The following DNAJC24 variants were observed in gnomAD, a reference collection of about 807,000 sequenced individuals.
DNAJC24 encodes the protein dnaJ homolog subfamily C member 24.
In DNAJC24, 17 loss-of-function variants were observed where a neutral mutation model predicts 18.0. The ratio of observed to expected loss-of-function variants is 0.94; its 90% CI spans 0.65 to 1.42. The LOEUF (loss-of-function observed/expected upper bound fraction) is 1.42. DNAJC24 is among the 40% of genes most tolerant of loss of function. The probability of loss-of-function intolerance (pLI) is 0.00; values close to 1 mark genes in which losing one functional copy is unlikely to be tolerated. For missense variants in DNAJC24, 158 were observed against 175.6 expected (o/e 0.90, Z 0.57); for synonymous variants, 55 against 57.7 (o/e 0.95, Z 0.21).
intron 2 of DNAJC24, among the ~76,000 whole-genome samples, chr11:31,389,802 A>T (rs976554744): frequency 2.0e-5 from 3 of 152,232 alleles, no homozygotes; most frequent in Admixed American, 6.5e-5. Flanking sequence ...TCTAAATAAT[A>T]TCAAGCATAT....
intron 2 of DNAJC24, chr11:31,384,446 A>G (rs1196521372): frequency 6.6e-6 from 1 of 152,242 alleles, no homozygotes; most frequent in African/African-American, 2.4e-5. Context: ...TGGACTCAAT[A>G]TAATAGATTC....
intron 2 of DNAJC24, among the ~76,000 whole-genome samples, chr11:31,372,637 T>C (rs1422212623): frequency 1.5e-5 from 2 of 135,822 alleles, no homozygotes; most frequent in African/African-American, 4.9e-5. Context: ...CTGCACATAA[T>C]ATGTAGTATC....
rs528806768 is a variant in DNAJC24, at chr11:31,380,017, G to A, written c.111+9158G>A. 3.0e-4 allele frequency among the ~76,000 whole-genome samples: 46 copies of A among 151,952 alleles called. No homozygotes were observed. The South Asian group carries it at 9.2e-3, about 30-fold the overall frequency. On this transcript the variant is annotated intron_variant, in intron 2 of 4. Coordinates refer to ENST00000465995, the MANE Select transcript of DNAJC24 (RefSeq NM_181706.5). Reference sequence around the variant, plus strand: ...CCTCCTGACCTCAGGTGATCCACCCGCCTCAGCCTCCCAAAATGCTGGGAT... The same window carrying A: ...CCTCCTGACCTCAGGTGATCCACCCACCTCAGCCTCCCAAAATGCTGGGAT...
chr11:31,425,843 C>A (rs891245258), intron 3 of DNAJC24, among the ~76,000 whole-genome samples: 3 of 152,098 alleles, frequency 2.0e-5, no homozygotes. Context: ...ACCAATACAC[C>A]TAATGTTAGA....
chr11:31,414,861 A>C lies in DNAJC24; in HGVS notation c.162A>C (p.Glu54Asp). ...ATGTACCAGCAGGAACAGTGGAGGAATGTGTACAGAAGTTCATCGAAATTG... is the reference window on the plus strand; with the variant it reads ...ATGTACCAGCAGGAACAGTGGAGGACTGTGTACAGAAGTTCATCGAAATTG... ...STDVPAGTVE[E>D]CVQKFIEIDQ... Residue 54 changes from glutamate (E) to aspartate (D), a missense_variant, in exon 3 of 5, where the codon GAA becomes GAC. Coordinates refer to ENST00000465995, the MANE Select transcript of DNAJC24 (RefSeq NM_181706.5). 6.2e-7 allele frequency: 1 copy of C among 1,614,032 alleles called. No individual in the cohort carries two copies. The highest frequency in any genetic ancestry group is 8.5e-7 in the Non-Finnish European group (1 of 1,179,906).
At chr11:31,384,850 A>G (rs1952412560) in intron 2 of DNAJC24, 1 of 152,188 alleles carries the variant, frequency 6.6e-6, no homozygotes. Context: ...CCAGAAGAGA[A>G]TGTTAGAATC....
intron 2 of DNAJC24, among the ~76,000 whole-genome samples, chr11:31,399,376 T>C (rs1159425609): frequency 6.6e-6 from 1 of 152,196 alleles, no homozygotes; most frequent in African/African-American, 2.4e-5. Flanking sequence ...TTCTTTATTT[T>C]TGTGAATTCT....
At chr11:31,394,858 A>G (rs593274) in intron 2 of DNAJC24, among the ~76,000 whole-genome samples, 7 of 152,336 alleles carry the variant, frequency 4.6e-5, no homozygotes, top group African/African-American at 1.7e-4. Context: ...AAAATCATGC[A>G]TTAAAATACA....
chr11:31,412,373 T>C (rs781046080), intron 2 of DNAJC24, among the ~76,000 whole-genome samples: 4 of 152,214 alleles, frequency 2.6e-5, no homozygotes, highest in Non-Finnish European at 5.9e-5. Context: ...GCTTGTGACA[T>C]ACTGAATTAA....
chr11:31,393,646 CAG>C (rs1305137246), intron 2 of DNAJC24, among the ~76,000 whole-genome samples: 1 of 152,074 alleles, frequency 6.6e-6, no homozygotes, highest in African/African-American at 2.4e-5. Flanking sequence ...ATCTCGGAAG[CAG>C]AGATACTGGG....
intron 2 of DNAJC24, among the ~76,000 whole-genome samples, chr11:31,408,706 T>C (rs925206547): frequency 2.6e-5 from 4 of 152,190 alleles, no homozygotes; most frequent in African/African-American, 9.6e-5. Flanking sequence ...AGAAAGTTTC[T>C]TAATCTATTT....
At chr11:31,394,765 C>T (rs1167707409) in intron 2 of DNAJC24, among the ~76,000 whole-genome samples, 1 of 151,430 alleles carries the variant, frequency 6.6e-6, no homozygotes, top group East Asian at 1.9e-4. Context: ...ATGAATTAAA[C>T]ACCCAGGTAA....
intron 2 of DNAJC24, among the ~76,000 whole-genome samples, chr11:31,413,968 A>T (rs1244577536): frequency 6.6e-6 from 1 of 152,210 alleles, no homozygotes; most frequent in Non-Finnish European, 1.5e-5. Flanking sequence ...GAGAACATAG[A>T]AGAAAAGGAA....
intron 2 of DNAJC24, among the ~76,000 whole-genome samples, chr11:31,380,348 A>G (rs1033373466): frequency 6.6e-6 from 1 of 152,202 alleles, no homozygotes; most frequent in African/African-American, 2.4e-5. Flanking sequence ...TTACAGACCA[A>G]AAATCATTTT....
At chr11:31,401,939 C>T (rs979103689) in intron 2 of DNAJC24, among the ~76,000 whole-genome samples, 7 of 152,096 alleles carry the variant, frequency 4.6e-5, no homozygotes, top group Non-Finnish European at 7.4e-5. Flanking sequence ...CAAGAGTTGC[C>T]GTTACATTAC....
intron 2 of DNAJC24, among the ~76,000 whole-genome samples, chr11:31,399,714 T>C (rs1288476989): frequency 3.9e-5 from 2 of 51,566 alleles, no homozygotes; most frequent in African/African-American, 2.4e-4. Context: ...GCCCAGCCTC[T>C]TTTTTTTTTT....
intron 4 of DNAJC24, among the ~76,000 whole-genome samples, chr11:31,428,189 ATTAT>A (rs1952883884): frequency 6.6e-6 from 1 of 152,140 alleles, no homozygotes; most frequent in Non-Finnish European, 1.5e-5. Flanking sequence ...TCATCAATGT[ATTAT>A]TGCCCCTGGA....
chr11:31,394,639 A>G (rs1365909622), intron 2 of DNAJC24, among the ~76,000 whole-genome samples: 1 of 152,140 alleles, frequency 6.6e-6, no homozygotes, highest in Non-Finnish European at 1.5e-5. Context: ...AAAATATAAA[A>G]TAAAAGGAAC....
At chr11:31,391,830 A>G (rs1164136709) in intron 2 of DNAJC24, among the ~76,000 whole-genome samples, 6 of 152,250 alleles carry the variant, frequency 3.9e-5, no homozygotes, top group Non-Finnish European at 4.4e-5. Context: ...TATTCACAAT[A>G]GCCAAGATTT....
Sources: allele counts gnomAD v4.1 joint callset (sites outside exome capture counted in the v4.1 genomes callset), GRCh38; gene constraint gnomAD v4.1.1; transcripts MANE v1.5; gene names NCBI Gene and HGNC (gene_info 2026-07-23, HGNC 2026-07-21).